The following EVA1C variants were observed in gnomAD, a reference collection of about 807,000 sequenced individuals.
EVA1C encodes protein eva-1 homolog C.
Under a neutral mutation model 45.4 loss-of-function variants are expected in EVA1C, and 25 were observed. The ratio of observed to expected loss-of-function variants is 0.55; its 90% CI spans 0.40 to 0.77. EVA1C has a LOEUF of 0.77. EVA1C is among the 30% of genes least tolerant of loss of function. The pLI is 0.00. For missense variants in EVA1C, 479 were observed against 554.8 expected (o/e 0.86, Z 1.37); for synonymous variants, 190 against 221.2 (o/e 0.86, Z 1.25).
chr21:32,425,541 G>T (rs2034457975), intron 1 of EVA1C, among the ~76,000 whole-genome samples: 1 of 152,004 alleles, frequency 6.6e-6, no homozygotes, highest in South Asian at 2.1e-4. Flanking sequence ...AGGCTTTGAG[G>T]CAAAAGGTCT....
At chr21:32,419,639 C>T (rs187475376) in intron 1 of EVA1C, among the ~76,000 whole-genome samples, 54 of 152,244 alleles carry the variant, frequency 3.5e-4, no homozygotes, top group African/African-American at 1.3e-3. Context: ...CACTTGAACC[C>T]AGGAGGTGAA....
At chr21:32,415,960 G>A (rs530076146) in intron 1 of EVA1C, among the ~76,000 whole-genome samples, 86 of 152,276 alleles carry the variant, frequency 5.6e-4, no homozygotes, top group Non-Finnish European at 4.1e-4. Flanking sequence ...GGCTTGAGAC[G>A]TCTAAATTCA....
chr21:32,441,819 C>A (rs1230984413), intron 1 of EVA1C, among the ~76,000 whole-genome samples: 1 of 152,088 alleles, frequency 6.6e-6, no homozygotes, highest in African/African-American at 2.4e-5. Flanking sequence ...CTATTAGAAA[C>A]CAATGTTAAC....
chr21:32,456,782 A>T (rs1287834243), intron 2 of EVA1C, among the ~76,000 whole-genome samples: 1 of 152,132 alleles, frequency 6.6e-6, no homozygotes, highest in Non-Finnish European at 1.5e-5. Context: ...GACTTGTTCC[A>T]TTTGGGAACG....
chr21:32,504,962 T>TA (rs556459722), intron 7 of EVA1C, among the ~76,000 whole-genome samples: 74 of 152,184 alleles, frequency 4.9e-4, no homozygotes, highest in African/African-American at 1.3e-3. Flanking sequence ...AGTCACGTCT[T>TA]ACTTGGTAGC....
intron 1 of EVA1C, among the ~76,000 whole-genome samples, chr21:32,435,613 C>G (rs2034914232): frequency 6.6e-6 from 1 of 152,192 alleles, no homozygotes; most frequent in African/African-American, 2.4e-5. Context: ...TGCCTAAATC[C>G]TCTATATGCC....
At chr21:32,471,923 C>T (rs1190557086) in intron 4 of EVA1C, among the ~76,000 whole-genome samples, 1 of 152,138 alleles carries the variant, frequency 6.6e-6, no homozygotes, top group Non-Finnish European at 1.5e-5. Context: ...CAACCGCACT[C>T]GGCCTCCATT....
intron 1 of EVA1C, among the ~76,000 whole-genome samples, chr21:32,420,146 A>G (rs2034209270): frequency 6.6e-6 from 1 of 151,222 alleles, no homozygotes; most frequent in African/African-American, 2.4e-5. Context: ...TGAGTTAAAA[A>G]TACTTTTAGG....
chr21:32,447,528 TTC>T lies in EVA1C; in HGVS notation c.161-5780_161-5779del, dbSNP rs2035408225. On this transcript the variant is annotated intron_variant, in intron 1 of 7. Coordinates refer to ENST00000300255, the MANE Select transcript of EVA1C (RefSeq NM_058187.5). Reference sequence around the variant, plus strand: ...TGAACATCAGTTCTTACAGCTATGTTTCTCTTTTTTTTTTTTGATAACTTAAT... The same window carrying T: ...TGAACATCAGTTCTTACAGCTATGTTTCTTTTTTTTTTTTGATAACTTAAT... Among the ~76,000 whole-genome samples the T allele has an allele frequency of 4.3e-5, 5 of 115,840 alleles. No individual in the cohort carries two copies. The Admixed American group carries it at 5.0e-4, about 12-fold the overall frequency. 76.0% of individuals were successfully genotyped at this position (115,840 alleles called of 152,430 possible).
chr21:32,464,771 A>T (rs1248044752), intron 3 of EVA1C, among the ~76,000 whole-genome samples: 1 of 152,162 alleles, frequency 6.6e-6, no homozygotes, highest in Non-Finnish European at 1.5e-5. Context: ...GCAGTGAGCC[A>T]AGATTGCACC....
At chr21:32,442,344 G>A (rs1162943792) in intron 1 of EVA1C, among the ~76,000 whole-genome samples, 2 of 152,006 alleles carry the variant, frequency 1.3e-5, no homozygotes, top group African/African-American at 4.8e-5. Context: ...TCTCACACCT[G>A]GGACTAGAGG....
chr21:32,500,311 G>A (rs923358703), intron 5 of EVA1C, among the ~76,000 whole-genome samples: 4 of 145,940 alleles, frequency 2.7e-5, no homozygotes, highest in African/African-American at 1.0e-4. Context: ...GAGCACATCC[G>A]GCTAATTTTT....
Position 32,452,247 on chromosome 21 carries a change from T to C in EVA1C, c.161-1065T>C, listed in dbSNP as rs1258346901. 6.6e-6 allele frequency: 1 copy of C among 152,270 alleles called. No individual in the cohort carries two copies. Among genetic ancestry groups the C allele is most frequent in the Non-Finnish European group, 1.5e-5 (1 of 68,064 alleles). 9.4% of individuals were successfully genotyped at this position (152,270 alleles called of 1,614,324 possible). A position where few individuals can be genotyped will look rare whatever the true frequency, so the allele number is the denominator to read the frequency against. On this transcript the variant is annotated intron_variant, in intron 1 of 7. Coordinates refer to ENST00000300255, the MANE Select transcript of EVA1C (RefSeq NM_058187.5). This position sits in a 1 kb window ranked among gnomAD's most constrained non-coding sequence, Gnocchi z 4.0. ...TCCTGGCCAATATCTTAGTGCTTCC[T>C]GAAGGGGAAAGAGCCCTCCAAACCA...
intron 1 of EVA1C, among the ~76,000 whole-genome samples, chr21:32,416,126 C>T (rs115399489): frequency 0.53 from 14,598 of 27,586 alleles, 859 homozygotes; most frequent in South Asian, 0.58. Flanking sequence ...GCAAGGGATC[C>T]TCATATTTTT....
chr21:32,422,143 A>G (rs1377109889), intron 1 of EVA1C, among the ~76,000 whole-genome samples: 1 of 152,128 alleles, frequency 6.6e-6, no homozygotes, highest in Non-Finnish European at 1.5e-5. Flanking sequence ...AAACAGGTGT[A>G]TTTGTAAAAG....
chr21:32,481,200 C>T (rs1482672147), intron 4 of EVA1C, among the ~76,000 whole-genome samples: 2 of 151,966 alleles, frequency 1.3e-5, no homozygotes, highest in Admixed American at 6.6e-5. Context: ...TGTTTGGAAA[C>T]GTTAGACTTC....
chr21:32,465,133 A>C (rs1471867150), intron 3 of EVA1C, among the ~76,000 whole-genome samples: 1 of 152,224 alleles, frequency 6.6e-6, no homozygotes, highest in Non-Finnish European at 1.5e-5. Flanking sequence ...GTTGTTTTCT[A>C]AACTACTCTA....
At chr21:32,442,091 A>G (rs2035197342) in intron 1 of EVA1C, among the ~76,000 whole-genome samples, 1 of 152,206 alleles carries the variant, frequency 6.6e-6, no homozygotes, top group Admixed American at 6.5e-5. Context: ...GGGGTAGGGC[A>G]GGCTGAGAAA....
chr21:32,488,589 T>A (rs1601402590), intron 4 of EVA1C, among the ~76,000 whole-genome samples: 2 of 150,792 alleles, frequency 1.3e-5, no homozygotes, highest in Admixed American at 6.6e-5. Context: ...CTGTTGGCCT[T>A]TTTTTTTTTT....
Sources: gnomAD v4.1 joint callset for allele counts (sites outside exome capture counted in the v4.1 genomes callset) on GRCh38, gnomAD v4.1.1 for gene constraint, Gnocchi (gnomAD v3.1) non-coding constraint, MANE v1.5 for transcripts, NCBI Gene and HGNC (gene_info 2026-07-23, HGNC 2026-07-21) for gene names.